SLC1A2: variants seen among roughly 807,000 people sequenced by gnomAD.
SLC1A2 encodes excitatory amino acid transporter 2.
SLC1A2 carries 15 observed loss-of-function variants against 48.8 expected under a neutral mutation model. The observed-to-expected ratio is 0.31, with a 90% confidence interval of 0.21 to 0.47. SLC1A2 has a LOEUF of 0.47. Among genes scored for constraint, SLC1A2 ranks in the 20% least tolerant of loss-of-function variants. The pLI, the probability that SLC1A2 is intolerant of heterozygous loss-of-function variation, is 0.99. For missense variants in SLC1A2, 502 were observed against 730.5 expected (o/e 0.69, Z 3.61); for synonymous variants, 279 against 272.6 (o/e 1.02, Z -0.23).
At chr11:35,275,967 C>A (rs1473662592) in intron 9 of SLC1A2, among the ~76,000 whole-genome samples, 2 of 152,176 alleles carry the variant, frequency 1.3e-5, no homozygotes, top group East Asian at 3.8e-4. Flanking sequence ...GAATGTGCCA[C>A]CATTACTAAT....
chr11:35,278,263 GTTTTTTTTTGTTTTTT>G (rs1850507688), intron 9 of SLC1A2, among the ~76,000 whole-genome samples: 1 of 103,810 alleles, frequency 9.6e-6, no homozygotes, highest in South Asian at 3.1e-4. Flanking sequence ...TCTTACTTCT[GTTTTTTTTTGTTTTTT>G]TTTTTTTTTT....
chr11:35,402,931 T>C (rs578033010), intron 1 of SLC1A2, among the ~76,000 whole-genome samples: 1 of 152,372 alleles, frequency 6.6e-6, no homozygotes, highest in African/African-American at 2.4e-5. Context: ...GCCTACTTTC[T>C]AATCTTATCA....
chr11:35,343,647 G>A (rs1416753643), intron 1 of SLC1A2, among the ~76,000 whole-genome samples: 1 of 152,022 alleles, frequency 6.6e-6, no homozygotes, highest in African/African-American at 2.4e-5. Flanking sequence ...AACCAGGATG[G>A]AGGTCCCCTG....
chr11:35,355,287 T>C (rs1286501461), intron 1 of SLC1A2, among the ~76,000 whole-genome samples: 1 of 152,194 alleles, frequency 6.6e-6, no homozygotes, highest in Non-Finnish European at 1.5e-5. Flanking sequence ...AGACCAACCA[T>C]GGTGAGCTCA....
At chr11:35,303,869 C>T (rs1050580428) in intron 5 of SLC1A2, among the ~76,000 whole-genome samples, 2 of 152,026 alleles carry the variant, frequency 1.3e-5, no homozygotes, top group Non-Finnish European at 2.9e-5. Context: ...GTGCTTAATC[C>T]TCGGGACTTT....
intron 9 of SLC1A2, among the ~76,000 whole-genome samples, chr11:35,266,384 A>G (rs1218005587): frequency 6.6e-6 from 1 of 152,226 alleles, no homozygotes; most frequent in Non-Finnish European, 1.5e-5. Flanking sequence ...AATATGTGTT[A>G]TGACTACTTG....
chr11:35,289,582 T>C (rs1850930664), intron 7 of SLC1A2, among the ~76,000 whole-genome samples: 1 of 152,202 alleles, frequency 6.6e-6, no homozygotes, highest in African/African-American at 2.4e-5. Context: ...ATTCACCTTG[T>C]CTTATAAAGT....
chr11:35,255,501 AAGATATTTACAAAC>A lies in SLC1A2; in HGVS notation c.*5379_*5392del, dbSNP rs1436909505. ...ATGTCTACATACTGGCGGAGAAGAA[AAGATATTTACAAAC>A]AGTTGCCGTGATTGTGCAAGTGTTG... On this transcript the variant is annotated 3_prime_UTR_variant, in exon 11 of 11. Transcript: ENST00000278379. 1 of 152,254 alleles carries A rather than the reference AAGATATTTACAAAC, an allele frequency of 6.6e-6. No homozygotes were observed. The highest frequency in any genetic ancestry group is 1.5e-5 in the Non-Finnish European group (1 of 68,056). 9.4% of individuals were successfully genotyped at this position (152,254 alleles called of 1,614,324 possible).
chr11:35,339,568 C>A (rs1852763286), intron 1 of SLC1A2, among the ~76,000 whole-genome samples: 1 of 151,986 alleles, frequency 6.6e-6, no homozygotes. Flanking sequence ...CTCACAGGAC[C>A]CTCTGTCAGG....
In SLC1A2 at chr11:35,301,569, G is replaced by T; in HGVS notation, c.807C>A (p.Phe269Leu). 1 of 1,613,732 alleles carries T rather than the reference G, an allele frequency of 6.2e-7. No homozygotes were observed. The highest frequency in any genetic ancestry group is 8.5e-7 in the Non-Finnish European group (1 of 1,179,714). ...MGDQAKLMVD[F>L]FNILNEIVMK... ...TTACAATCTCATTCAAAATGTTGAA[G>T]AAATCCACCATCAGCTTGGCCTGAT... The change falls in exon 6 of 11, where the codon TTC becomes TTA. Residue 269 changes from phenylalanine (F) to leucine (L), a missense_variant. Physicochemically the swap from Phe to Leu is conservative, Grantham distance 22. This residue lies in a region of SLC1A2 where 309 missense variants were observed against 480.3 expected (regional missense o/e 0.64). Transcript: ENST00000278379.
At chr11:35,392,403 G>GC (rs1854808606) in intron 1 of SLC1A2, 1 of 152,244 alleles carries the variant, frequency 6.6e-6, no homozygotes, top group Non-Finnish European at 1.5e-5. Flanking sequence ...TAGGGCTGCA[G>GC]CGCCCCCATG....
Position 35,271,209 on chromosome 11 carries a change from C to T in SLC1A2, c.1422-5451G>A, listed in dbSNP as rs545200069. Among the ~76,000 whole-genome samples, 10 of 152,294 alleles carry T rather than the reference C, an allele frequency of 6.6e-5. No individual in the cohort carries two copies. In the South Asian group the frequency reaches 2.1e-3, roughly 32 times the overall value. ...TCAGTTGGAGCGGGAAAGATTCTGG[C>T]TTTGGTTTGGACACGTTGAGGGTGA... On this transcript the variant is annotated intron_variant, in intron 9 of 10. Transcript: ENST00000278379.
chr11:35,308,731 C>G (rs895263353), intron 4 of SLC1A2, among the ~76,000 whole-genome samples: 2 of 152,192 alleles, frequency 1.3e-5, no homozygotes, highest in Non-Finnish European at 2.9e-5. Flanking sequence ...TAAATTTCAG[C>G]ATGAATTTTG....
rs1214260395 is a variant in SLC1A2, at chr11:35,254,770, T to C, written c.*6124A>G. ...TCTGACTCTACAAAGCAGTGAGGTC[T>C]GTTCCAATAGCTGGTTTTATTCTCA... On this transcript the variant is annotated 3_prime_UTR_variant, in exon 11 of 11. Coordinates refer to ENST00000278379, the MANE Select transcript of SLC1A2 (RefSeq NM_004171.4). 2.2e-6 allele frequency: 1 copy of C among 456,070 alleles called. No homozygotes were observed. The highest frequency in any genetic ancestry group is 4.4e-6 in the Non-Finnish European group (1 of 226,932). The allele number at this position is 456,070 out of a possible 1,614,324, so 28.3% of individuals were successfully genotyped here.
intron 1 of SLC1A2, among the ~76,000 whole-genome samples, chr11:35,379,403 A>G (rs1854346988): frequency 6.6e-6 from 1 of 152,248 alleles, no homozygotes; most frequent in South Asian, 2.1e-4. Flanking sequence ...TGCAATTTCA[A>G]TAGGCAATAC....
chr11:35,354,398 C>T (rs1197035251), intron 1 of SLC1A2, among the ~76,000 whole-genome samples: 1 of 152,132 alleles, frequency 6.6e-6, no homozygotes. Flanking sequence ...GAGTTCCAGG[C>T]TGCAGTGGGC....
intron 4 of SLC1A2, among the ~76,000 whole-genome samples, chr11:35,310,108 C>A (rs533244579): frequency 6.6e-6 from 1 of 152,336 alleles, no homozygotes; most frequent in East Asian, 1.9e-4. Flanking sequence ...CACTCCAAGA[C>A]CAGAGCAATA....
intron 1 of SLC1A2, among the ~76,000 whole-genome samples, chr11:35,395,310 C>G (rs1432162859): frequency 6.6e-6 from 1 of 150,864 alleles, no homozygotes; most frequent in Non-Finnish European, 1.5e-5. Context: ...TTTTAAGGTT[C>G]TCTCTCTCCC....
At chr11:35,308,099 T>G (rs1041463282) in intron 4 of SLC1A2, among the ~76,000 whole-genome samples, 3 of 152,278 alleles carry the variant, frequency 2.0e-5, no homozygotes, top group African/African-American at 7.2e-5. Context: ...TAAAGAAGCC[T>G]ACGTTTGGTT....
Sources: gnomAD v4.1 joint callset for allele counts (sites outside exome capture counted in the v4.1 genomes callset) on GRCh38, gnomAD v4.1.1 for gene constraint, gnomAD v4.1.1 regional missense constraint, MANE v1.5 for transcripts, NCBI Gene and HGNC (gene_info 2026-07-23, HGNC 2026-07-21) for gene names.